The following HS2ST1 variants were observed in gnomAD, a reference collection of about 807,000 sequenced individuals.
The protein encoded by HS2ST1 is 2-O-sulfotransferase.
Under a neutral mutation model 42.9 loss-of-function variants are expected in HS2ST1, and 18 were observed. That is an observed-to-expected ratio of 0.42 (90% CI 0.29 to 0.62). The LOEUF is 0.62. HS2ST1 is among the 20% of genes least tolerant of loss of function. The pLI is 0.21. For missense variants in HS2ST1, 334 were observed against 433.8 expected (o/e 0.77, Z 2.04); for synonymous variants, 146 against 152.9 (o/e 0.95, Z 0.33).
In HS2ST1 at chr1:87,079,909, A is replaced by T. The variant is rs367566179; in HGVS notation, c.364-4285A>T. On this transcript the variant is annotated intron_variant, in intron 2 of 6. Coordinates refer to ENST00000370550, the MANE Select transcript of HS2ST1 (RefSeq NM_012262.4). ...TTTTTTCTTTAAATCTTGGCTTGGCATGGTGGTGTACTCCTGCAGTGCTGG... is the reference window on the plus strand; with the variant it reads ...TTTTTTCTTTAAATCTTGGCTTGGCTTGGTGGTGTACTCCTGCAGTGCTGG... Among the ~76,000 whole-genome samples, 25 of 150,100 alleles carry T rather than the reference A, an allele frequency of 1.7e-4. No homozygotes were observed. In the South Asian group the frequency reaches 1.7e-3, roughly 10 times the overall value.
At chr1:87,036,649 T>C (rs1212340483) in intron 1 of HS2ST1, among the ~76,000 whole-genome samples, 1 of 151,960 alleles carries the variant, frequency 6.6e-6, no homozygotes, top group Admixed American at 6.6e-5. Context: ...AAAAGGTGTT[T>C]AGATATTTCC....
At chr1:87,015,244 C>T (rs2100582118) in intron 1 of HS2ST1, among the ~76,000 whole-genome samples, 1 of 152,064 alleles carries the variant, frequency 6.6e-6, no homozygotes, top group East Asian at 1.9e-4. Context: ...AGACGGGTTT[C>T]ACCATGTCAG....
At chr1:86,962,070 C>G (rs754746324) in intron 1 of HS2ST1, among the ~76,000 whole-genome samples, 10 of 151,720 alleles carry the variant, frequency 6.6e-5, no homozygotes, top group Non-Finnish European at 1.2e-4. Context: ...TTCTATACAT[C>G]TAGTTTAATG....
intron 1 of HS2ST1, among the ~76,000 whole-genome samples, chr1:86,930,730 C>G (rs887771531): frequency 6.6e-6 from 1 of 151,960 alleles, no homozygotes; most frequent in Non-Finnish European, 1.5e-5. Flanking sequence ...CTTTGAATTT[C>G]CCACATATCC....
At chr1:86,970,526 A>G (rs2102208730) in intron 1 of HS2ST1, among the ~76,000 whole-genome samples, 1 of 152,014 alleles carries the variant, frequency 6.6e-6, no homozygotes, top group Admixed American at 6.6e-5. Flanking sequence ...TCAGCCTCCC[A>G]AGTTGCTGGG....
intron 1 of HS2ST1, among the ~76,000 whole-genome samples, chr1:87,006,439 G>A (rs756448339): frequency 5.9e-5 from 9 of 152,148 alleles, no homozygotes; most frequent in Non-Finnish European, 1.3e-4. Flanking sequence ...CTAGTCAACA[G>A]GACTTGGTTT....
chr1:87,031,195 C>A (rs1650229353), intron 1 of HS2ST1, among the ~76,000 whole-genome samples: 1 of 152,146 alleles, frequency 6.6e-6, no homozygotes, highest in South Asian at 2.1e-4. Flanking sequence ...CCCGCCTCAG[C>A]CTCCCAAAGT....
At chr1:86,985,885 G>T (rs561802390) in intron 1 of HS2ST1, among the ~76,000 whole-genome samples, 19 of 152,116 alleles carry the variant, frequency 1.2e-4, no homozygotes, top group African/African-American at 4.6e-4. Flanking sequence ...AACAATTTCT[G>T]TTCAACTAGA....
intron 1 of HS2ST1, chr1:87,046,487 T>A (rs994407125): frequency 8.3e-7 from 1 of 1,202,390 alleles, no homozygotes; most frequent in African/African-American, 1.5e-5. Context: ...ATGGGCTAAA[T>A]CAACTGGATA....
At chr1:87,038,661 A>G (rs79479891) in intron 1 of HS2ST1, among the ~76,000 whole-genome samples, 3,654 of 152,310 alleles carry the variant, frequency 0.024, 47 homozygotes, top group South Asian at 0.053. Flanking sequence ...TATTTAAGTT[A>G]CATAAAGGCA....
rs144828040 is a variant in HS2ST1, at chr1:87,067,352, T to G, written c.125-5582T>G. ...GATGAGCTTTTTTTCATATATTTGT[T>G]GGCTGCATAAATGTCTTCTTTTGAG... On this transcript the variant is annotated intron_variant, in intron 1 of 6. Transcript: ENST00000370550. Among the ~76,000 whole-genome samples the G allele has an allele frequency of 7.7e-4, 118 of 152,372 alleles. No individual in the cohort carries two copies. In the East Asian group the frequency reaches 0.014, roughly 18 times the overall value.
intron 1 of HS2ST1, among the ~76,000 whole-genome samples, chr1:87,005,290 G>A (rs530110761): frequency 5.3e-5 from 8 of 152,196 alleles, no homozygotes; most frequent in Admixed American, 4.6e-4. Flanking sequence ...CTCAAGGTTG[G>A]TGTACCTTAT....
At chr1:86,951,901 G>T (rs61771702) in intron 1 of HS2ST1, among the ~76,000 whole-genome samples, 17,426 of 152,094 alleles carry the variant, frequency 0.11, 1,064 homozygotes, top group Non-Finnish European at 0.13. Context: ...TTCTTTGCTC[G>T]TCCCTAAGAA....
At chr1:87,016,931 G>A (rs537905289) in intron 1 of HS2ST1, among the ~76,000 whole-genome samples, 2 of 151,806 alleles carry the variant, frequency 1.3e-5, no homozygotes, top group African/African-American at 2.4e-5. Flanking sequence ...AAGGAACTTG[G>A]TTGTTACATA....
chr1:87,034,833 C>G (rs1650330163), intron 1 of HS2ST1, among the ~76,000 whole-genome samples: 1 of 152,156 alleles, frequency 6.6e-6, no homozygotes, highest in Non-Finnish European at 1.5e-5. Context: ...TCCCCAGAAC[C>G]TGTGATTATG....
intron 1 of HS2ST1, among the ~76,000 whole-genome samples, chr1:86,930,404 G>A (rs1168878187): frequency 6.6e-6 from 1 of 151,874 alleles, no homozygotes; most frequent in South Asian, 2.1e-4. Flanking sequence ...GAGAAAGACA[G>A]AATGGAGAAA....
chr1:86,941,359 GC>G (rs1486802831), intron 1 of HS2ST1, among the ~76,000 whole-genome samples: 2 of 147,602 alleles, frequency 1.4e-5, no homozygotes, highest in Non-Finnish European at 3.0e-5. Context: ...TTGGGGAGGG[GC>G]TGCCAGGTTG....
At chr1:86,917,615 T>A (rs560690882) in intron 1 of HS2ST1, among the ~76,000 whole-genome samples, 2 of 152,188 alleles carry the variant, frequency 1.3e-5, no homozygotes, top group Non-Finnish European at 2.9e-5. Context: ...CACATCGCAT[T>A]TAAGTGGCAG....
rs957559167 is a variant in HS2ST1, at chr1:87,045,011, T to G, written c.125-27923T>G. The G allele has an allele frequency of 2.6e-6, 4 of 1,526,850 alleles. No individual in the cohort carries two copies. In the African/African-American group the frequency reaches 5.5e-5, roughly 21 times the overall value. 94.6% of individuals were successfully genotyped at this position (1,526,850 alleles called of 1,614,324 possible). A position where few individuals can be genotyped will look rare whatever the true frequency, so the allele number is the denominator to read the frequency against. On this transcript the variant is annotated intron_variant, in intron 1 of 6. Coordinates refer to ENST00000370550, the MANE Select transcript of HS2ST1 (RefSeq NM_012262.4). The stretch of plus-strand genomic sequence containing the variant: ...TTGCACTGAGATTCTCTTTCTCGTC[T>G]GATTTCCTCTTGCGGCTTCTCTCTT...
Sources: allele counts gnomAD v4.1 joint callset (sites outside exome capture counted in the v4.1 genomes callset), GRCh38; gene constraint gnomAD v4.1.1; transcripts MANE v1.5; gene names NCBI Gene and HGNC (gene_info 2026-07-23, HGNC 2026-07-21).